Variants in PRKN observed in about 807,000 individuals in gnomAD.
PRKN encodes parkin RBR E3 ubiquitin protein ligase, also known as E3 ubiquitin-protein ligase parkin.
A neutral mutation model predicts 59.5 loss-of-function variants in PRKN; 56 were observed. The observed-to-expected ratio is 0.94, with a 90% CI of 0.76 to 1.18. PRKN has a LOEUF of 1.18. PRKN is among the 50% of genes most tolerant of loss of function. The pLI, the probability that PRKN is intolerant of heterozygous loss-of-function variation, is 0.00. For missense variants in PRKN, 657 were observed against 596.4 expected (o/e 1.10, Z -1.06); for synonymous variants, 250 against 222.1 (o/e 1.13, Z -1.12).
intron 1 of PRKN, among the ~76,000 whole-genome samples, chr6:162,466,840 T>A (rs1312329463): frequency 6.6e-6 from 1 of 152,084 alleles, no homozygotes; most frequent in East Asian, 1.9e-4. Context: ...GCTAGGTGGA[T>A]TTGGGTAATT....
chr6:161,539,459 T>G (rs1472987025), intron 9 of PRKN, among the ~76,000 whole-genome samples: 1 of 152,210 alleles, frequency 6.6e-6, no homozygotes, highest in Non-Finnish European at 1.5e-5. Flanking sequence ...GGAGTTGGTT[T>G]CTGTGCCCTC....
Position 161,498,138 on chromosome 6 carries a change from A to T in PRKN, c.1083+50716T>A, listed in dbSNP as rs1474389673. 6.6e-6 allele frequency among the ~76,000 whole-genome samples: 1 copy of T among 152,188 alleles called. No homozygotes were observed. The highest frequency in any genetic ancestry group is 2.4e-5 in the African/African-American group (1 of 41,426). Reference sequence around the variant, plus strand: ...GTTAAATTCACATGTGGGAAAAAAGACAAATTATTGTTAATCAATTTCTAA... The same window carrying T: ...GTTAAATTCACATGTGGGAAAAAAGTCAAATTATTGTTAATCAATTTCTAA... On this transcript the variant is annotated intron_variant, in intron 9 of 11. Coordinates refer to ENST00000366898, the MANE Select transcript of PRKN (RefSeq NM_004562.3). The surrounding 1 kb of genome is among the most constrained non-coding windows in gnomAD (Gnocchi z 4.2).
Position 161,440,679 on chromosome 6 carries a change from A to T in PRKN, c.1084-53802T>A, listed in dbSNP as rs1789166343. 6.6e-6 allele frequency among the ~76,000 whole-genome samples: 1 copy of T among 152,228 alleles called. No homozygotes were observed. The highest frequency in any genetic ancestry group is 6.5e-5 in the Admixed American group (1 of 15,286). On this transcript the variant is annotated intron_variant, in intron 9 of 11. Transcript: ENST00000366898. This position sits in a 1 kb window ranked among gnomAD's most constrained non-coding sequence, Gnocchi z 4.1. ...TTCATAACATATCTATCACAAATGC[A>T]TTCTGAGATTGCTTGGATCTAAATT...
intron 7 of PRKN, among the ~76,000 whole-genome samples, chr6:161,763,086 C>T (rs534957188): frequency 2.0e-4 from 30 of 152,198 alleles, no homozygotes; most frequent in African/African-American, 7.0e-4. Context: ...ACTCTGTAAC[C>T]GTTGTATTAC....
At chr6:162,471,076 ATTTATTTATTTATTTTCATT>A (rs555194365) in intron 1 of PRKN, among the ~76,000 whole-genome samples, 5 of 73,488 alleles carry the variant, frequency 6.8e-5, no homozygotes, top group East Asian at 1.2e-3. Context: ...TCTATTTTTT[ATTTATTTATTTATTTTCATT>A]TTTATTTATT....
At chr6:162,006,834 AATTT>A (rs1385923822) in intron 5 of PRKN, among the ~76,000 whole-genome samples, 1 of 152,118 alleles carries the variant, frequency 6.6e-6, no homozygotes, top group Non-Finnish European at 1.5e-5. Flanking sequence ...TTAACTAAGA[AATTT>A]ATTTCTCTTG....
Position 162,362,569 on chromosome 6 carries a change from CTA to C in PRKN, c.171+80739_171+80740del, listed in dbSNP as rs567533606. 2.8e-4 allele frequency among the ~76,000 whole-genome samples: 43 copies of C among 152,038 alleles called. 1 individual carries two copies. Among genetic ancestry groups the C allele is most frequent in the Non-Finnish European group, 3.7e-4 (25 of 67,998 alleles). On this transcript the variant is annotated intron_variant, in intron 2 of 11. Transcript: ENST00000366898. The stretch of plus-strand genomic sequence containing the variant: ...TCTACTGAAAATTACACCTGTTTCT[CTA>C]TTTTATTTTTCTTCCTTTTAGGATA...
At chr6:162,586,843 G>A (rs1781080998) in intron 1 of PRKN, among the ~76,000 whole-genome samples, 1 of 152,176 alleles carries the variant, frequency 6.6e-6, no homozygotes. Flanking sequence ...TAAGACACTT[G>A]TTCTTGATTA....
At chr6:162,434,133 T>C (rs983490085) in intron 2 of PRKN, among the ~76,000 whole-genome samples, 1 of 152,180 alleles carries the variant, frequency 6.6e-6, no homozygotes, top group Non-Finnish European at 1.5e-5. Flanking sequence ...ACAAAAATTA[T>C]AATTTTTCCC....
At chr6:162,538,895 T>C (rs1224436397) in intron 1 of PRKN, among the ~76,000 whole-genome samples, 1 of 152,178 alleles carries the variant, frequency 6.6e-6, no homozygotes. Context: ...TATTTACTGA[T>C]AAAAAGCACA....
intron 9 of PRKN, among the ~76,000 whole-genome samples, chr6:161,394,681 C>A (rs891622450): frequency 6.6e-6 from 1 of 152,164 alleles, no homozygotes; most frequent in Non-Finnish European, 1.5e-5. Flanking sequence ...TTAGTACCAC[C>A]TGTCTCAGAA....
At chr6:162,239,797 G>C (rs989686759) in intron 3 of PRKN, among the ~76,000 whole-genome samples, 1 of 151,576 alleles carries the variant, frequency 6.6e-6, no homozygotes, top group Non-Finnish European at 1.5e-5. Context: ...ATGGCCTCCA[G>C]TGGGCTCGAC....
intron 1 of PRKN, among the ~76,000 whole-genome samples, chr6:162,496,878 C>T (rs1793087059): frequency 6.6e-6 from 1 of 152,192 alleles, no homozygotes; most frequent in Non-Finnish European, 1.5e-5. Flanking sequence ...TTCAAGGCTA[C>T]ACTTGTATTT....
intron 9 of PRKN, among the ~76,000 whole-genome samples, chr6:161,540,693 C>T (rs926708035): frequency 6.6e-6 from 1 of 152,188 alleles, no homozygotes. Flanking sequence ...ACCTGTCTTA[C>T]AAAATGTACC....
intron 1 of PRKN, among the ~76,000 whole-genome samples, chr6:162,684,186 T>C (rs1211486207): frequency 3.3e-5 from 5 of 152,160 alleles, no homozygotes; most frequent in Non-Finnish European, 7.4e-5. Context: ...TGGATTTTAC[T>C]GACATAATGT....
At chr6:162,122,672 G>T (rs1780962403) in intron 4 of PRKN, among the ~76,000 whole-genome samples, 2 of 152,102 alleles carry the variant, frequency 1.3e-5, no homozygotes, top group South Asian at 4.1e-4. Flanking sequence ...CTTAGTGGTG[G>T]TGTCAGTAGG....
At chr6:161,722,447 C>G (rs1255660559) in intron 7 of PRKN, among the ~76,000 whole-genome samples, 1 of 152,192 alleles carries the variant, frequency 6.6e-6, no homozygotes, top group Non-Finnish European at 1.5e-5. Context: ...TTGTTGAACT[C>G]TGACTTGTTT....
At chr6:162,226,983 G>A (rs537987156) in intron 3 of PRKN, among the ~76,000 whole-genome samples, 37 of 152,244 alleles carry the variant, frequency 2.4e-4, no homozygotes, top group African/African-American at 7.9e-4. Context: ...CTAATGATCC[G>A]GCCAGAAAGT....
At chr6:162,724,367 T>C (rs991554809) in intron 1 of PRKN, among the ~76,000 whole-genome samples, 1 of 152,156 alleles carries the variant, frequency 6.6e-6, no homozygotes, top group Admixed American at 6.5e-5. Flanking sequence ...AGGTGGGAAA[T>C]GTAAGTACTT....
Sources: gnomAD v4.1 joint callset for allele counts (sites outside exome capture counted in the v4.1 genomes callset) on GRCh38, gnomAD v4.1.1 for gene constraint, Gnocchi (gnomAD v3.1) non-coding constraint, MANE v1.5 for transcripts, NCBI Gene and HGNC (gene_info 2026-07-23, HGNC 2026-07-21) for gene names.